RNF123: variants seen among roughly 807,000 people sequenced by gnomAD.
RNF123 encodes ring finger protein 123.
A neutral mutation model predicts 168.5 loss-of-function variants in RNF123; 86 were observed. The observed-to-expected ratio is 0.51, with a 90% confidence interval of 0.43 to 0.61. The LOEUF is 0.61. Among genes scored for constraint, RNF123 ranks in the 20% least tolerant of loss-of-function variants. The probability of loss-of-function intolerance (pLI) is 0.00; values close to 1 mark genes in which losing one functional copy is unlikely to be tolerated. For missense variants in RNF123, 1,419 were observed against 1,729.7 expected, an observed-to-expected ratio of 0.82 and a Z score of 3.19; for synonymous variants, 666 against 689.1, an observed-to-expected ratio of 0.97 and a Z score of 0.52.
Position 49,721,451 on chromosome 3 carries a change from G to A in RNF123, c.*146G>A, listed in dbSNP as rs1212898267. 3.6e-6 allele frequency: 4 copies of A among 1,111,848 alleles called. No individual in the cohort carries two copies. The highest frequency in any genetic ancestry group is 5.5e-6 in the Non-Finnish European group (4 of 727,258). The allele number at this position is 1,111,848 out of a possible 1,614,324, so 68.9% of individuals were successfully genotyped here. On this transcript the variant is annotated 3_prime_UTR_variant, in exon 39 of 39. Coordinates refer to ENST00000327697, the MANE Select transcript of RNF123 (RefSeq NM_022064.5). ...CCTGCCTGTATCCTCATTGGTGGGA[G>A]CCCAGCCATGGCCCTAATTGTGCCT... is the stretch of plus-strand genomic sequence containing the variant.
intron 3 of RNF123, among the ~76,000 whole-genome samples, chr3:49,696,785 T>A (rs1281463851): frequency 6.6e-6 from 1 of 151,898 alleles, no homozygotes; most frequent in Non-Finnish European, 1.5e-5. Flanking sequence ...TAGCTGGGAT[T>A]ATACGCATGC....
chr3:49,719,403 C>T lies in RNF123; in HGVS notation c.3501-1108C>T, dbSNP rs140696690. The T allele has an allele frequency of 8.7e-6, 14 of 1,613,502 alleles. No homozygotes were observed. The African/African-American group carries it at 1.2e-4, about 14-fold the overall frequency. On this transcript the variant is annotated intron_variant, in intron 35 of 38. Transcript: ENST00000327697. ...CACGGGGCGGGAAACCCTCGGAGTC[C>T]GGGGTGCCTAACCCAACGCGCAGCA...
rs1346894065 is a variant in RNF123 at position 49,704,670 on chromosome 3, A to G, written c.1873A>G (p.Asn625Asp). Residue 625 changes from asparagine to aspartate, a missense_variant, in exon 22 of 39, where the codon AAC becomes GAC. Physicochemically the swap from Asn to Asp is conservative, Grantham distance 23. Around this residue, in one of 5 missense-constraint regions of RNF123, gnomAD observed 538 missense variants for 708.8 expected, o/e 0.76. Transcript: ENST00000327697. ...CCCAGATGACCTTGCTTCCAAAGCC[A>G]ACATTGTGATCGACCCACTGGAGCT... The part of the protein sequence containing the change: ...TLKDDLASKA[N>D]IVIDPLELQS... 7 of 1,609,920 alleles carry G rather than the reference A, an allele frequency of 4.3e-6. No individual in the cohort carries two copies. The highest frequency in any genetic ancestry group is 5.9e-6 in the Non-Finnish European group (7 of 1,178,262).
Position 49,713,573 on chromosome 3 carries a change from G to C in RNF123, c.2735G>C (p.Arg912Pro). 1 of 1,612,274 alleles carries C rather than the reference G, an allele frequency of 6.2e-7. No individual in the cohort carries two copies. Among genetic ancestry groups the C allele is most frequent in the Non-Finnish European group, 8.5e-7 (1 of 1,179,298 alleles). The change falls in exon 28 of 39, where the codon CGC becomes CCC. Residue 912 changes from arginine (R) to proline (P), a missense_variant. Physicochemically the swap from Arg to Pro is moderately radical, Grantham distance 103 (BLOSUM62 -2). Transcript: ENST00000327697. Reference protein sequence around the residue: ...AILAKHFADARIVGTDIRDSL... With the variant: ...AILAKHFADAPIVGTDIRDSL... ...CTCGCCAAACACTTTGCCGACGCAC[G>C]CATTGTGGGCACTGGTGAGGGGCCC...
chr3:49,696,229 G>A (rs1464981994), intron 3 of RNF123, among the ~76,000 whole-genome samples: 2 of 152,342 alleles, frequency 1.3e-5, no homozygotes, highest in East Asian at 3.8e-4. Context: ...ACCTTTGAGA[G>A]CGGACAGGTT....
In RNF123 at chr3:49,701,915, G is replaced by A. The variant is rs541564418; in HGVS notation, c.1495+5G>A. 5 of 1,559,384 alleles carry A rather than the reference G, an allele frequency of 3.2e-6. No individual in the cohort carries two copies. In the Admixed American group the frequency reaches 5.9e-5, roughly 18 times the overall value. ...GGCTCAGGAAGCGCATCGAAGGTCAGCCCGCCTTGGGCACGGGGTAGGGTG... is the reference window on the plus strand; with the variant it reads ...GGCTCAGGAAGCGCATCGAAGGTCAACCCGCCTTGGGCACGGGGTAGGGTG... On this transcript the variant is annotated splice_donor_5th_base_variant and intron_variant, in intron 17 of 38. Coordinates refer to ENST00000327697, the MANE Select transcript of RNF123 (RefSeq NM_022064.5).
At chr3:49,691,064 A>C (rs1434110253) in intron 1 of RNF123, 66 bp from the exon 2 acceptor site, 14 of 924,690 alleles carry the variant, frequency 1.5e-5, no homozygotes. Flanking sequence ...CTGCCATGGC[A>C]GGACTGAGGT....
chr3:49,706,567 A>C (rs1011295040), intron 25 of RNF123, among the ~76,000 whole-genome samples: 2 of 152,230 alleles, frequency 1.3e-5, no homozygotes, highest in African/African-American at 4.8e-5. Context: ...ACAGACCCCC[A>C]GCTGGGCCTC....
Position 49,701,874 on chromosome 3 carries a change from GAAC to G in RNF123, c.1460_1462del (p.Glu487_Arg488delinsGly). 6.4e-7 allele frequency: 1 copy of G among 1,566,798 alleles called. No homozygotes were observed. The highest frequency in any genetic ancestry group is 8.7e-7 in the Non-Finnish European group (1 of 1,155,910). ...GGAGCGGCTGCGGCGGCGAGCCTAC[GAAC>G]GGGGCTGTCAGCGGCTCAGGAAGCG... On this transcript the variant is annotated inframe_deletion, in exon 17 of 39. Coordinates refer to ENST00000327697, the MANE Select transcript of RNF123 (RefSeq NM_022064.5).
Position 49,715,732 on chromosome 3 carries a change from C to A in RNF123, c.3150+18C>A, listed in dbSNP as rs1167625567. The A allele has an allele frequency of 6.2e-7, 1 of 1,614,092 alleles. No individual in the cohort carries two copies. The highest frequency in any genetic ancestry group is 1.3e-5 in the African/African-American group (1 of 74,946). ...TCCAAGAGGTGGGCTGTGGTGGGGC[C>A]TCGTGGGTTAGGGTGGTGCAAGGGA... On this transcript the variant is annotated intron_variant, in intron 32 of 38. Coordinates refer to ENST00000327697, the MANE Select transcript of RNF123 (RefSeq NM_022064.5).
chr3:49,693,837 A>T (rs1477387174), intron 3 of RNF123, among the ~76,000 whole-genome samples: 1 of 152,150 alleles, frequency 6.6e-6, no homozygotes, highest in East Asian at 1.9e-4. Context: ...TTTGATTTGC[A>T]TTTCTCTGAT....
At chr3:49,711,768 A>G (rs1429892947) in intron 26 of RNF123, among the ~76,000 whole-genome samples, 1 of 152,052 alleles carries the variant, frequency 6.6e-6, no homozygotes, top group African/African-American at 2.4e-5. Flanking sequence ...CATTGTGGGG[A>G]GCAGGGCCCT....
rs201480353 is a variant in RNF123, at chr3:49,697,472, G to A, written c.342+15G>A. ...ACCTGCTGGGGGTGAGTGAGGGTGA[G>A]GTGTGGAGACCCAGGTCCAGCCCCT... is the stretch of plus-strand genomic sequence containing the variant. On this transcript the variant is annotated intron_variant, in intron 5 of 38. Coordinates refer to ENST00000327697, the MANE Select transcript of RNF123 (RefSeq NM_022064.5). The A allele has an allele frequency of 1.3e-5, 21 of 1,578,522 alleles. No individual in the cohort carries two copies. The African/African-American group carries it at 2.0e-4, about 15-fold the overall frequency.
chr3:49,698,402 C>A (rs1374209393), intron 7 of RNF123, 38 bp from the exon 8 acceptor site: 7 of 1,567,958 alleles, frequency 4.5e-6, no homozygotes, highest in Non-Finnish European at 6.1e-6. Flanking sequence ...CAGACCCTGC[C>A]TGCCTCACCA....
rs867007369 is a variant in RNF123, at chr3:49,699,095, C to T, written c.754C>T (p.Arg252Cys). Residue 252 changes from arginine to cysteine, a missense_variant, in exon 10 of 39, where the codon CGT becomes TGT. Coordinates refer to ENST00000327697, the MANE Select transcript of RNF123 (RefSeq NM_022064.5). The surrounding 1 kb of genome is among the most constrained non-coding windows in gnomAD (Gnocchi z 4.8). ...GTCCGTGGCCTTCAACTTTGGCAGCCGTCCTCTGCGATATCATTTTGTGAA... is the reference window on the plus strand; with the variant it reads ...GTCCGTGGCCTTCAACTTTGGCAGCTGTCCTCTGCGATATCATTTTGTGAA... ...KESVAFNFGSRPLRYPVAGYR... is the reference protein window; with the variant it reads ...KESVAFNFGSCPLRYPVAGYR... The T allele has an allele frequency of 1.8e-5, 29 of 1,613,254 alleles. No individual in the cohort carries two copies. The highest frequency in any genetic ancestry group is 2.3e-5 in the Non-Finnish European group (27 of 1,179,966).
chr3:49,713,791 T>A lies in RNF123; in HGVS notation c.2803T>A (p.Ser935Thr), dbSNP rs186251589. The stretch of plus-strand genomic sequence containing the variant: ...GGCCAGCTACGTGTGCTACCCACAC[T>A]CCCTGCGGGCTGTGGAGCGAATCCC... ...ALASYVCYPH[S>T]LRAVERIPEE... Residue 935 changes from serine to threonine, a missense_variant, in exon 29 of 39, where the codon TCC becomes ACC. Physicochemically the swap from Ser to Thr is moderately conservative, Grantham distance 58. Transcript: ENST00000327697. 1.4e-4 allele frequency: 220 copies of A among 1,612,324 alleles called. No homozygotes were observed. The East Asian group carries it at 4.8e-3, about 35-fold the overall frequency.
intron 35 of RNF123, chr3:49,718,701 C>G: frequency 6.2e-7 from 1 of 1,613,014 alleles, no homozygotes; most frequent in South Asian, 1.1e-5. Context: ...ACGCGGGTAC[C>G]TTGAAGGCCA....
At chr3:49,719,231 C>T (rs2080329892) in intron 35 of RNF123, 3 of 1,613,098 alleles carry the variant, frequency 1.9e-6, no homozygotes, top group Non-Finnish European at 2.5e-6. Flanking sequence ...GCCAACCAGC[C>T]GGGGCGCAGG....
chr3:49,717,670 T>G, intron 35 of RNF123: 7 of 522,278 alleles, frequency 1.3e-5, no homozygotes, highest in Non-Finnish European at 2.1e-5. Flanking sequence ...TCACAGGGCA[T>G]TTGGGCACTA....
Sources: gnomAD v4.1 joint callset for allele counts (sites outside exome capture counted in the v4.1 genomes callset) on GRCh38, gnomAD v4.1.1 for gene constraint, gnomAD v4.1.1 regional missense constraint, Gnocchi (gnomAD v3.1) non-coding constraint, MANE v1.5 for transcripts, NCBI Gene and HGNC (gene_info 2026-07-23, HGNC 2026-07-21) for gene names.